The following FAM193A variants were observed in gnomAD, a reference collection of about 807,000 sequenced individuals.
FAM193A encodes protein FAM193A.
Under a neutral mutation model 126.5 loss-of-function variants are expected in FAM193A, and 22 were observed. The observed-to-expected ratio is 0.17, with a 90% CI of 0.12 to 0.25. The LOEUF (loss-of-function observed/expected upper bound fraction) is 0.25, where lower values mean the gene tolerates loss of function less well. Among genes scored for constraint, FAM193A ranks in the 10% least tolerant of loss-of-function variants. FAM193A has a pLI of 1.00. For synonymous variants in FAM193A, 761 were observed against 646.8 expected (o/e 1.18, Z -2.68); for missense variants, 1,675 against 1,672.8 (o/e 1.00, Z -0.02).
chr4:2,626,154 A>C (rs1742943782), intron 3 of FAM193A, among the ~76,000 whole-genome samples: 1 of 152,090 alleles, frequency 6.6e-6, no homozygotes, highest in Non-Finnish European at 1.5e-5. Context: ...AGCAGTGGGG[A>C]TGTGGGTACC....
chr4:2,552,147 G>A (rs1013376665), intron 1 of FAM193A, among the ~76,000 whole-genome samples: 2 of 151,778 alleles, frequency 1.3e-5, no homozygotes, highest in African/African-American at 4.8e-5. Context: ...GAGTAGCTGG[G>A]ACTACAGGTG....
Position 2,694,987 on chromosome 4 carries a change from A to G in FAM193A, c.3134A>G (p.Tyr1045Cys). The G allele has an allele frequency of 1.9e-6, 3 of 1,606,352 alleles. No individual in the cohort carries two copies. The highest frequency in any genetic ancestry group is 1.7e-5 in the Admixed American group (1 of 58,798). The change falls in exon 17 of 21, where the codon TAC (tyrosine) becomes TGC (cysteine). Residue 1045 changes from tyrosine to cysteine, a missense_variant. By Grantham distance (194) the Tyr-to-Cys change is radical. This residue lies in a region of FAM193A where 1,186 missense variants were observed against 1,109.2 expected (regional missense o/e 1.07). Coordinates refer to ENST00000637812, the MANE Select transcript of FAM193A (RefSeq NM_001366318.2). ...GGGCACCGCTGCGAGAATGGTGTCT[A>G]CGACCCACAGCAGGATGATGGGGAC... Reference protein sequence around the residue: ...CEGHRCENGVYDPQQDDGDES... With the variant: ...CEGHRCENGVCDPQQDDGDES...
intron 1 of FAM193A, among the ~76,000 whole-genome samples, chr4:2,590,500 AAAAAACAAAAAAAAAACAAAACAAAAT>A (rs1560464655): frequency 0.014 from 569 of 41,002 alleles, 48 homozygotes; most frequent in African/African-American, 0.046. Flanking sequence ...AAAAAACAAA[AAAAAACAAAAAAAAAACAAAACAAAAT>A]TAAAAAACAG....
chr4:2,692,597 G>A (rs749365634), intron 15 of FAM193A, among the ~76,000 whole-genome samples: 7 of 152,192 alleles, frequency 4.6e-5, no homozygotes, highest in African/African-American at 9.7e-5. Flanking sequence ...TGCAGGATTT[G>A]TGCCCAGAAC....
At chr4:2,569,615 T>TGCCTCC (rs1394419521) in intron 1 of FAM193A, among the ~76,000 whole-genome samples, 3 of 151,920 alleles carry the variant, frequency 2.0e-5, no homozygotes, top group African/African-American at 7.3e-5. Flanking sequence ...CTCCTGCCTC[T>TGCCTCC]GCCTCCCGAG....
chr4:2,639,062 T>A (rs375737686), intron 5 of FAM193A, among the ~76,000 whole-genome samples: 1 of 152,350 alleles, frequency 6.6e-6, no homozygotes, highest in East Asian at 1.9e-4. Context: ...GCAAGACTTA[T>A]TAAATGTGAA....
intron 1 of FAM193A, among the ~76,000 whole-genome samples, chr4:2,571,674 G>A (rs1484462020): frequency 6.6e-6 from 1 of 151,606 alleles, no homozygotes; most frequent in Non-Finnish European, 1.5e-5. Context: ...CCAAGTAGCG[G>A]GATTACAGGA....
chr4:2,661,401 A>G (rs1292005033), intron 10 of FAM193A, among the ~76,000 whole-genome samples: 3 of 152,232 alleles, frequency 2.0e-5, no homozygotes, highest in African/African-American at 7.2e-5. Context: ...TTACGGAGCT[A>G]GGGCTGGTGA....
At chr4:2,676,681 G>A (rs138751672) in intron 13 of FAM193A, among the ~76,000 whole-genome samples, 3,277 of 152,200 alleles carry the variant, frequency 0.022, 130 homozygotes, top group African/African-American at 0.074. Context: ...GGTGGCTCAC[G>A]CCTGTAATTC....
At chr4:2,666,644 T>G (rs1215286687) in intron 12 of FAM193A, among the ~76,000 whole-genome samples, 1 of 152,208 alleles carries the variant, frequency 6.6e-6, no homozygotes, top group Non-Finnish European at 1.5e-5. Flanking sequence ...GCCTGGTCTC[T>G]TTTTGTGGGA....
At chr4:2,633,550 A>G (rs895252963) in intron 5 of FAM193A, among the ~76,000 whole-genome samples, 2 of 151,892 alleles carry the variant, frequency 1.3e-5, no homozygotes. Flanking sequence ...CAGACTAGAT[A>G]CCCTTAACTA....
chr4:2,625,108 C>T (rs1742819742), intron 2 of FAM193A, among the ~76,000 whole-genome samples, 154 bp from the exon 3 acceptor site: 1 of 152,224 alleles, frequency 6.6e-6, no homozygotes, highest in Non-Finnish European at 1.5e-5. Context: ...GCTGAGATTA[C>T]AAGTGTGAGC....
Position 2,659,905 on chromosome 4 carries a change from A to G in FAM193A, c.1596A>G (p.Pro532=), listed in dbSNP as rs1485144631. ...ATGACATCCACATTCACCAGCTCCCACTTCAAGTGGATCCTGCTCCTGACT... is the reference window on the plus strand; with the variant it reads ...ATGACATCCACATTCACCAGCTCCCGCTTCAAGTGGATCCTGCTCCTGACT... ...VTDDIHIHQL[P]LQVDPAPDYL... The change falls in exon 10 of 21, where the codon CCA becomes CCG. Residue 532 remains proline, a synonymous_variant. Coordinates refer to ENST00000637812, the MANE Select transcript of FAM193A (RefSeq NM_001366318.2). 3.1e-6 allele frequency: 5 copies of G among 1,613,860 alleles called. No individual in the cohort carries two copies. In the African/African-American group the frequency reaches 5.3e-5, roughly 17 times the overall value.
chr4:2,611,946 C>T (rs932999885), intron 2 of FAM193A, among the ~76,000 whole-genome samples: 1 of 151,458 alleles, frequency 6.6e-6, no homozygotes, highest in Admixed American at 6.6e-5. Flanking sequence ...ACACCATTCT[C>T]CTGCCTCAGC....
At chr4:2,603,476 A>T (rs1249614296) in intron 2 of FAM193A, among the ~76,000 whole-genome samples, 9 of 76,736 alleles carry the variant, frequency 1.2e-4, no homozygotes, top group Admixed American at 1.6e-4. Context: ...TTTTTTTTTG[A>T]GACGGAGTCT....
At position 2,717,137 on chromosome 4, in the gene FAM193A, G is replaced by A. The variant is rs1159552520; in HGVS notation, c.4454+1033G>A. Among the ~76,000 whole-genome samples the A allele has an allele frequency of 2.0e-5, 3 of 151,954 alleles. 1 individual carries two copies. The highest frequency in any genetic ancestry group is 1.3e-4 in the Admixed American group (2 of 15,260). ...TAGGATTACAGGGGCCTGCCACCAC[G>A]CCTGGCTAATTTTTGTATTTTTGGT... On this transcript the variant is annotated intron_variant, in intron 20 of 20. Transcript: ENST00000637812.
chr4:2,691,013 G>A (rs1026850997), intron 15 of FAM193A, 43 bp downstream of exon 15: 1 of 1,560,870 alleles, frequency 6.4e-7, no homozygotes, highest in Non-Finnish European at 8.7e-7. Flanking sequence ...CTGCAGGAAG[G>A]CTGGGCTTAC....
At chr4:2,612,988 C>A (rs940088418) in intron 2 of FAM193A, among the ~76,000 whole-genome samples, 1 of 152,172 alleles carries the variant, frequency 6.6e-6, no homozygotes, top group Admixed American at 6.5e-5. Flanking sequence ...ATTGTGTTGA[C>A]TCTATAGATC....
intron 5 of FAM193A, among the ~76,000 whole-genome samples, chr4:2,638,164 C>G (rs560484471): frequency 6.6e-6 from 1 of 152,218 alleles, no homozygotes; most frequent in African/African-American, 2.4e-5. Flanking sequence ...TGGTCTGATC[C>G]AGGTGCTGCA....
Sources: allele counts gnomAD v4.1 joint callset (sites outside exome capture counted in the v4.1 genomes callset), GRCh38; gene constraint gnomAD v4.1.1; regional missense constraint gnomAD v4.1.1; transcripts MANE v1.5; gene names NCBI Gene and HGNC (gene_info 2026-07-23, HGNC 2026-07-21).